GNA13: variants seen among roughly 807,000 people sequenced by gnomAD.
The protein encoded by GNA13 is G protein subunit alpha 13, also known as guanine nucleotide-binding protein subunit alpha-13.
In GNA13, 4 loss-of-function variants were observed where a neutral mutation model predicts 33.5. That is an observed-to-expected ratio of 0.12 (90% confidence interval 0.06 to 0.27). The LOEUF (loss-of-function observed/expected upper bound fraction) is 0.27, where lower values mean the gene tolerates loss of function less well. GNA13 is among the 10% of genes least tolerant of loss of function. The probability of loss-of-function intolerance (pLI) is 1.00; values close to 1 mark genes in which losing one functional copy is unlikely to be tolerated. For synonymous variants in GNA13, 176 were observed against 183.8 expected (o/e 0.96, Z 0.34); for missense variants, 319 against 487.2 (o/e 0.65, Z 3.25).
At chr17:65,023,905 G>T (rs1040849567) in intron 2 of GNA13, among the ~76,000 whole-genome samples, 6 of 152,294 alleles carry the variant, frequency 3.9e-5, no homozygotes, top group Middle Eastern at 6.8e-3. Context: ...ACACTGAGAA[G>T]AATCTAACAG....
At chr17:65,049,250 C>T (rs1907776396) in intron 2 of GNA13, among the ~76,000 whole-genome samples, 1 of 152,144 alleles carries the variant, frequency 6.6e-6, no homozygotes, top group Non-Finnish European at 1.5e-5. Flanking sequence ...GCCAGGACTA[C>T]AGGTACATGT....
At chr17:65,038,805 A>G (rs1248696952) in intron 2 of GNA13, among the ~76,000 whole-genome samples, 1 of 152,198 alleles carries the variant, frequency 6.6e-6, no homozygotes, top group Admixed American at 6.5e-5. Flanking sequence ...TGGAACACTT[A>G]CATCAGTTGA....
intron 2 of GNA13, chr17:65,051,798 T>C: frequency 6.6e-6 from 1 of 152,204 alleles, no homozygotes; most frequent in East Asian, 1.9e-4. Flanking sequence ...CAACATGCAA[T>C]ACTGGCAGCT....
chr17:65,016,666 T>C (rs915905021), intron 3 of GNA13, among the ~76,000 whole-genome samples: 4 of 152,236 alleles, frequency 2.6e-5, no homozygotes, highest in Admixed American at 6.5e-5. Flanking sequence ...CCGGCCAGAA[T>C]TCAGAGTTTT....
intron 2 of GNA13, among the ~76,000 whole-genome samples, chr17:65,029,359 C>T (rs1432043656): frequency 1.3e-5 from 2 of 152,180 alleles, no homozygotes; most frequent in Non-Finnish European, 2.9e-5. Flanking sequence ...GCTTCCACCT[C>T]TCCTTCTGGG....
chr17:65,018,452 A>T (rs1356321263), intron 2 of GNA13, 149 bp from the exon 3 acceptor site: 1 of 618,260 alleles, frequency 1.6e-6, no homozygotes, highest in Non-Finnish European at 2.9e-6. Flanking sequence ...TCCTAAAAAC[A>T]TATAAAACGT....
At chr17:65,040,612 G>A (rs1907418700) in intron 2 of GNA13, among the ~76,000 whole-genome samples, 1 of 152,034 alleles carries the variant, frequency 6.6e-6, no homozygotes, top group South Asian at 2.1e-4. Context: ...TCAAGCCTCA[G>A]CCTCCCAAGT....
At chr17:65,050,320 T>C (rs899628672) in intron 2 of GNA13, among the ~76,000 whole-genome samples, 3 of 152,256 alleles carry the variant, frequency 2.0e-5, no homozygotes, top group African/African-American at 7.2e-5. Context: ...AAATTTTAAG[T>C]AAGCCAAGTG....
intron 2 of GNA13, among the ~76,000 whole-genome samples, chr17:65,043,732 A>C (rs975166562): frequency 3.4e-4 from 52 of 152,116 alleles, no homozygotes; most frequent in African/African-American, 1.3e-3. Flanking sequence ...AAACAAGAAC[A>C]AAAAAAACAA....
chr17:65,044,326 A>G (rs1907575666), intron 2 of GNA13, among the ~76,000 whole-genome samples: 1 of 152,232 alleles, frequency 6.6e-6, no homozygotes, highest in Non-Finnish European at 1.5e-5. Context: ...TAATGTGGCT[A>G]TAACAAGTTC....
At chr17:65,021,277 T>G (rs1362337463) in intron 2 of GNA13, among the ~76,000 whole-genome samples, 2 of 152,232 alleles carry the variant, frequency 1.3e-5, no homozygotes, top group Non-Finnish European at 2.9e-5. Flanking sequence ...CTTTGAGTAT[T>G]AGAAGTCTAT....
rs1354774596 is a variant in GNA13, at chr17:65,013,119, T to C, written c.*1138A>G. The C allele has an allele frequency of 9.9e-6, 2 of 201,660 alleles. No individual in the cohort carries two copies. Among genetic ancestry groups the C allele is most frequent in the African/African-American group, 2.3e-5 (1 of 43,612 alleles). 12.5% of individuals were successfully genotyped at this position (201,660 alleles called of 1,614,324 possible). On this transcript the variant is annotated 3_prime_UTR_variant, in exon 4 of 4. Transcript: ENST00000439174. ...GCTGGACTTTCAACAACAACAATTA[T>C]ACAAATGTATACATACTGTATCTGT... is the stretch of plus-strand genomic sequence containing the variant.
intron 2 of GNA13, among the ~76,000 whole-genome samples, chr17:65,037,377 C>T (rs1355593859): frequency 1.3e-5 from 2 of 152,146 alleles, no homozygotes; most frequent in Non-Finnish European, 2.9e-5. Context: ...CTCTTAAGCC[C>T]TTCTAGGCTG....
At chr17:65,035,639 A>G (rs999053162) in intron 2 of GNA13, among the ~76,000 whole-genome samples, 1 of 152,230 alleles carries the variant, frequency 6.6e-6, no homozygotes, top group Non-Finnish European at 1.5e-5. Context: ...ACATAATGAT[A>G]ACAACAGAAA....
chr17:65,027,074 G>A (rs771014506), intron 2 of GNA13, among the ~76,000 whole-genome samples: 1 of 151,898 alleles, frequency 6.6e-6, no homozygotes, highest in Non-Finnish European at 1.5e-5. Context: ...CACCGCGCCC[G>A]GCCTCTTTTC....
intron 2 of GNA13, among the ~76,000 whole-genome samples, chr17:65,038,944 C>T (rs543027574): frequency 2.6e-5 from 4 of 152,268 alleles, no homozygotes; most frequent in Non-Finnish European, 5.9e-5. Context: ...AGTACAGTTT[C>T]TACTAAATGT....
chr17:65,055,752 CTCGGGCAAAAAGT>C lies in GNA13; in HGVS notation c.283+546_283+558del, dbSNP rs1024947800. The C allele has an allele frequency of 9.1e-6, 9 of 985,498 alleles. No individual in the cohort carries two copies. The Admixed American group carries it at 5.5e-4, about 61-fold the overall frequency. The allele number at this position is 985,498 out of a possible 1,614,324, so 61.0% of individuals were successfully genotyped here. On this transcript the variant is annotated intron_variant, in intron 1 of 3. Coordinates refer to ENST00000439174, the MANE Select transcript of GNA13 (RefSeq NM_006572.6). ...TCACCCTACGCCCTTGACAAGAAGT[CTCGGGCAAAAAGT>C]TCCCTTATTGCGACGGTTCCAGAAC...
chr17:65,027,824 G>C (rs1906848953), intron 2 of GNA13, among the ~76,000 whole-genome samples: 1 of 152,182 alleles, frequency 6.6e-6, no homozygotes, highest in Non-Finnish European at 1.5e-5. Flanking sequence ...AGAAAACAAG[G>C]CTGGGCGTGG....
intron 2 of GNA13, among the ~76,000 whole-genome samples, chr17:65,047,104 G>GA (rs969456466): frequency 2.6e-5 from 4 of 152,002 alleles, no homozygotes; most frequent in African/African-American, 4.8e-5. Flanking sequence ...TAATTAAAAA[G>GA]AAAAAAACTT....
Sources: gnomAD v4.1 joint callset for allele counts (sites outside exome capture counted in the v4.1 genomes callset) on GRCh38, gnomAD v4.1.1 for gene constraint, MANE v1.5 for transcripts, NCBI Gene and HGNC (gene_info 2026-07-23, HGNC 2026-07-21) for gene names.